MPO: variants seen among roughly 807,000 people sequenced by gnomAD.
The protein encoded by MPO is myeloperoxidase.
MPO carries 57 observed loss-of-function variants against 69.4 expected under a neutral mutation model. The ratio of observed to expected loss-of-function variants is 0.82; its 90% CI spans 0.66 to 1.02. MPO has a LOEUF of 1.02. Among genes scored for constraint, MPO ranks in the 50% least tolerant of loss-of-function variants. The pLI is 0.00. For missense variants in MPO, 971 were observed against 1,014.1 expected (o/e 0.96, Z 0.58); for synonymous variants, 426 against 417.1 (o/e 1.02, Z -0.26).
Position 58,270,771 on chromosome 17 carries a change from C to T in MPO, c.2123G>A (p.Gly708Asp), listed in dbSNP as rs758324501. The T allele has an allele frequency of 6.2e-7, 1 of 1,614,044 alleles. No homozygotes were observed. Among genetic ancestry groups the T allele is most frequent in the Non-Finnish European group, 8.5e-7 (1 of 1,179,960 alleles). The change falls in exon 12 of 12, where the codon GGC (glycine) becomes GAC (aspartate). Residue 708 changes from glycine to aspartate, a missense_variant. By Grantham distance (94) the Gly-to-Asp change is moderately conservative. Coordinates refer to ENST00000225275, the MANE Select transcript of MPO (RefSeq NM_000250.2). This position sits in a 1 kb window ranked among gnomAD's most constrained non-coding sequence, Gnocchi z 4.1. The part of the protein sequence containing the change: ...SLPRIICDNT[G>D]ITTVSKNNIF... ...GTTGTTCTTAGACACGGTGGTGATG[C>T]CTGTGTTGTCGCAGATGATCCGGGG...
At chr17:58,279,467 G>C in intron 4 of MPO, 41 bp from the exon 5 acceptor site, 3 of 1,612,118 alleles carry the variant, frequency 1.9e-6, no homozygotes, top group Non-Finnish European at 2.5e-6. Flanking sequence ...GAGGCTTGTG[G>C]CGTCCGGGAC....
chr17:58,275,375 G>C lies in MPO; in HGVS notation c.1365+167C>G, dbSNP rs1382294117. On this transcript the variant is annotated intron_variant, in intron 8 of 11. Transcript: ENST00000225275. The surrounding 1 kb of genome is among the most constrained non-coding windows in gnomAD (Gnocchi z 4.1). ...AGGGAAGGGAAGGAGGCTTTGTCAA[G>C]CACTTACTATCTGAAAGGTGTTTTC... 6.6e-6 allele frequency among the ~76,000 whole-genome samples: 1 copy of C among 152,186 alleles called. No homozygotes were observed. Among genetic ancestry groups the C allele is most frequent in the African/African-American group, 2.4e-5 (1 of 41,446 alleles).
chr17:58,273,587 T>C lies in MPO; in HGVS notation c.1448A>G (p.Asn483Ser), dbSNP rs370533452. 48 of 1,614,088 alleles carry C rather than the reference T, an allele frequency of 3.0e-5. No homozygotes were observed. Among genetic ancestry groups the C allele is most frequent in the Non-Finnish European group, 3.8e-5 (45 of 1,180,038 alleles). The change falls in exon 9 of 12, where the codon AAT (asparagine) becomes AGT (serine). Residue 483 changes from asparagine (N) to serine (S), a missense_variant. Physicochemically the swap from Asn to Ser is conservative, Grantham distance 46 (BLOSUM62 1). Transcript: ENST00000225275. ...RKYLPTYRSY[N>S]DSVDPRIANV... ...GGCGATGCGTGGGTCCACTGAGTCA[T>C]TGTAGGAACGGTACGTGGGCAGGTA...
chr17:58,279,021 C>G lies in MPO; in HGVS notation c.872G>C (p.Cys291Ser). The G allele has an allele frequency of 6.2e-7, 1 of 1,610,212 alleles. No homozygotes were observed. Among genetic ancestry groups the G allele is most frequent in the Non-Finnish European group, 8.5e-7 (1 of 1,179,142 alleles). Residue 291 changes from cysteine (C) to serine (S), a missense_variant, in exon 6 of 12, where the codon TGC (cysteine) becomes TCC (serine). Physicochemically the swap from Cys to Ser is moderately radical, Grantham distance 112. Coordinates refer to ENST00000225275, the MANE Select transcript of MPO (RefSeq NM_000250.2). ...AAGCAGGGCCACCTTGAGCGGGAAG[C>G]AGGGCGGCTGCTGAACGCAGCTGGT... ...CETSCVQQPP[C>S]FPLKIPPNDP...
At position 58,279,151 on chromosome 17, in the gene MPO, G is replaced by T; in HGVS notation, c.742C>A (p.Arg248Ser). The part of the protein sequence containing the change: ...PTDQLTPDQE[R>S]SLMFMQWGQL... ...CCCCATTGCATGAACATGAGTGAGC[G>T]CTCCTGGTCCGGAGTCAGCTGATCA... Residue 248 changes from arginine (R) to serine (S), a missense_variant, in exon 6 of 12, where the codon CGC becomes AGC. Coordinates refer to ENST00000225275, the MANE Select transcript of MPO (RefSeq NM_000250.2). 1 of 1,612,594 alleles carries T rather than the reference G, an allele frequency of 6.2e-7. No homozygotes were observed. The highest frequency in any genetic ancestry group is 8.5e-7 in the Non-Finnish European group (1 of 1,179,392).
At chr17:58,277,658 A>G (rs371722621) in intron 7 of MPO, 169 bp downstream of exon 7, 41 of 1,000,356 alleles carry the variant, frequency 4.1e-5, no homozygotes, top group South Asian at 4.1e-4. Context: ...TTCTGGCTCC[A>G]TCTGACTTGT....
At position 58,270,208 on chromosome 17, in the gene MPO, A is replaced by C. The variant is rs1970349206; in HGVS notation, c.*448T>G. The stretch of plus-strand genomic sequence containing the variant: ...CAATAAATGAAGAACCAGAGGATAC[A>C]AGTGGGCCCTCCAAGAAACCATGAC... On this transcript the variant is annotated 3_prime_UTR_variant, in exon 12 of 12. Transcript: ENST00000225275. This position sits in a 1 kb window ranked among gnomAD's most constrained non-coding sequence, Gnocchi z 4.1. 3.2e-6 allele frequency: 1 copy of C among 311,332 alleles called. No homozygotes were observed. Among genetic ancestry groups the C allele is most frequent in the South Asian group, 2.9e-5 (1 of 33,994 alleles). The allele number at this position is 311,332 out of a possible 1,614,324, so 19.3% of individuals were successfully genotyped here.
At chr17:58,273,912 TG>T (rs1168479561) in intron 8 of MPO, among the ~76,000 whole-genome samples, 2 of 152,238 alleles carry the variant, frequency 1.3e-5, no homozygotes, top group Non-Finnish European at 2.9e-5. Context: ...TTAACCTCTC[TG>T]AGCCTGAGTT....
At chr17:58,274,373 TGTGTG>T (rs1567827705) in intron 8 of MPO, among the ~76,000 whole-genome samples, 4 of 151,786 alleles carry the variant, frequency 2.6e-5, no homozygotes, top group Non-Finnish European at 5.9e-5. Context: ...TGTGTGTGTG[TGTGTG>T]TGTGTGAGTG....
rs749013683 is a variant in MPO, at chr17:58,271,812, T to G, written c.1873A>C (p.Lys625Gln). Reference protein sequence around the residue: ...GQLGTVLRNLKLARKLMEQYG... With the variant: ...GQLGTVLRNLQLARKLMEQYG... ...TGCTCCATCAGTTTCCTCGCCAATT[T>G]CAGGTTCCTCAGCACCGTGCCCAGC... The change falls in exon 11 of 12, where the codon AAA becomes CAA. Residue 625 changes from lysine to glutamine, a missense_variant. Coordinates refer to ENST00000225275, the MANE Select transcript of MPO (RefSeq NM_000250.2). 68 of 1,614,074 alleles carry G rather than the reference T, an allele frequency of 4.2e-5. 1 individual carries two copies. In the South Asian group the frequency reaches 4.6e-4, roughly 11 times the overall value.
In MPO at chr17:58,270,957, C is replaced by T. The variant is rs1598038615; in HGVS notation, c.2031-94G>A. 1.4e-6 allele frequency: 2 copies of T among 1,436,834 alleles called. No individual in the cohort carries two copies. The highest frequency in any genetic ancestry group is 4.6e-5 in the East Asian group (2 of 43,228). 89.0% of individuals were successfully genotyped at this position (1,436,834 alleles called of 1,614,324 possible). A position where few individuals can be genotyped will look rare whatever the true frequency, so the allele number is the denominator to read the frequency against. ...GTGCTGCTCCCAGGATATAACAAAG[C>T]CACAACAAATGCCACCTGGAAGCAC... On this transcript the variant is annotated intron_variant, in intron 11 of 11. Coordinates refer to ENST00000225275, the MANE Select transcript of MPO (RefSeq NM_000250.2). The surrounding 1 kb of genome is among the most constrained non-coding windows in gnomAD (Gnocchi z 4.1).
At chr17:58,272,585 G>C (rs768191507) in intron 10 of MPO, among the ~76,000 whole-genome samples, 163 bp downstream of exon 10, 7 of 152,306 alleles carry the variant, frequency 4.6e-5, no homozygotes, top group African/African-American at 1.7e-4. Flanking sequence ...AGGTGGGTCC[G>C]GGAAAAGGCA....
Position 58,279,152 on chromosome 17 carries a change from C to T in MPO, c.741G>A (p.Glu247=). Residue 247 remains glutamate, a synonymous_variant, in exon 6 of 12, where the codon GAG becomes GAA. Transcript: ENST00000225275. ...FPTDQLTPDQ[E]RSLMFMQWGQ... is the part of the protein sequence containing the mutation. ...CCCATTGCATGAACATGAGTGAGCG[C>T]TCCTGGTCCGGAGTCAGCTGATCAG... 6 of 1,612,604 alleles carry T rather than the reference C, an allele frequency of 3.7e-6. No homozygotes were observed. The highest frequency in any genetic ancestry group is 3.3e-5 in the Admixed American group (2 of 59,806).
chr17:58,271,774 G>A lies in MPO; in HGVS notation c.1911C>T (p.Pro637=), dbSNP rs1970368119. 1 of 1,614,144 alleles carries A rather than the reference G, an allele frequency of 6.2e-7. No homozygotes were observed. The highest frequency in any genetic ancestry group is 8.5e-7 in the Non-Finnish European group (1 of 1,180,046). The part of the protein sequence containing the change: ...ARKLMEQYGT[P]NNIDIWMGGV... ...CGCCCATCCAGATGTCGATGTTGTTGGGCGTGCCATACTGCTCCATCAGTT... is the reference window on the plus strand; with the variant it reads ...CGCCCATCCAGATGTCGATGTTGTTAGGCGTGCCATACTGCTCCATCAGTT... Residue 637 remains proline, a synonymous_variant, in exon 11 of 12, where the codon CCC becomes CCT. Coordinates refer to ENST00000225275, the MANE Select transcript of MPO (RefSeq NM_000250.2).
At chr17:58,272,638 A>T in intron 10 of MPO, 110 bp downstream of exon 10, 2 of 1,304,942 alleles carry the variant, frequency 1.5e-6, no homozygotes, top group Non-Finnish European at 1.1e-6. Flanking sequence ...AAGTGCCTCT[A>T]ATATGCTTTG....
In MPO at chr17:58,279,372, C is replaced by T. The variant is rs1482107929; in HGVS notation, c.603G>A (p.Ala201=). The T allele has an allele frequency of 6.3e-7, 1 of 1,597,722 alleles. No individual in the cohort carries two copies. Among genetic ancestry groups the T allele is most frequent in the Non-Finnish European group, 8.5e-7 (1 of 1,172,352 alleles). ...GAAGAGAGAAGCCGTCCTCATACTC[C>T]GCCGGCAGCCAGCGCACAAAGGCAC... ...SNRAFVRWLP[A]EYEDGFSLPY... Residue 201 remains alanine (A), a synonymous_variant, in exon 5 of 12, where the codon GCG becomes GCA. Coordinates refer to ENST00000225275, the MANE Select transcript of MPO (RefSeq NM_000250.2).
In MPO at chr17:58,270,641, C is replaced by G; in HGVS notation, c.*15G>C. ...CCAGATATACCCCTCACTGCTGCAC[C>G]CCCTTACCTGGCCTCTAGGAGGCTT... is the stretch of plus-strand genomic sequence containing the variant. On this transcript the variant is annotated 3_prime_UTR_variant, in exon 12 of 12. Coordinates refer to ENST00000225275, the MANE Select transcript of MPO (RefSeq NM_000250.2). The surrounding 1 kb of genome is among the most constrained non-coding windows in gnomAD (Gnocchi z 4.1). 1 of 1,596,548 alleles carries G rather than the reference C, an allele frequency of 6.3e-7. No individual in the cohort carries two copies. The highest frequency in any genetic ancestry group is 8.5e-7 in the Non-Finnish European group (1 of 1,170,606).
At chr17:58,277,277 C>T (rs939131378) in intron 7 of MPO, among the ~76,000 whole-genome samples, 12 of 152,262 alleles carry the variant, frequency 7.9e-5, no homozygotes, top group African/African-American at 2.9e-4. Context: ...ACTCAACCTT[C>T]CGAGATGATG....
chr17:58,277,358 G>A lies in MPO; in HGVS notation c.1204+469C>T, dbSNP rs374779667. Among the ~76,000 whole-genome samples, 276 of 152,338 alleles carry A rather than the reference G, an allele frequency of 1.8e-3. 6 individuals are homozygous for A. In the South Asian group the frequency reaches 0.053, roughly 29 times the overall value. ...TGTAAGGCAATTGAGCATTTGAAAT[G>A]TGGTTAGCACCGCTGAGAAACTGGG... On this transcript the variant is annotated intron_variant, in intron 7 of 11. Transcript: ENST00000225275.
Sources: allele counts gnomAD v4.1 joint callset (sites outside exome capture counted in the v4.1 genomes callset), GRCh38; gene constraint gnomAD v4.1.1; non-coding constraint Gnocchi (gnomAD v3.1); transcripts MANE v1.5; gene names NCBI Gene and HGNC (gene_info 2026-07-23, HGNC 2026-07-21).